MEF2D: variants seen among roughly 807,000 people sequenced by gnomAD.
MEF2D encodes myocyte enhancer factor 2D.
A neutral mutation model predicts 59.3 loss-of-function variants in MEF2D; 10 were observed. The observed-to-expected ratio is 0.17, with a 90% CI of 0.10 to 0.29. MEF2D has a LOEUF of 0.29. Ranked by LOEUF, MEF2D falls within the 10% of genes least tolerant of loss-of-function variation. MEF2D has a pLI of 1.00. For synonymous variants in MEF2D, 305 were observed against 295.0 expected (o/e 1.03, Z -0.35); for missense variants, 508 against 699.4 (o/e 0.73, Z 3.09).
Position 156,468,097 on chromosome 1 carries a change from C to A in MEF2D, c.1450G>T (p.Asp484Tyr). The A allele has an allele frequency of 6.2e-7, 1 of 1,614,076 alleles. No homozygotes were observed. The highest frequency in any genetic ancestry group is 1.3e-5 in the African/African-American group (1 of 75,046). ...AGGSYETGDR[D>Y]DGRGDFGPTL... ...GGCCCGAAGTCCCCCCGTCCGTCAT[C>A]CCGGTCTCCCGTCTCATAGGATCCC... Residue 484 changes from aspartate (D) to tyrosine (Y), a missense_variant, in exon 11 of 12, where the codon GAT becomes TAT. Transcript: ENST00000348159. This position sits in a 1 kb window ranked among gnomAD's most constrained non-coding sequence, Gnocchi z 4.3.
chr1:156,480,697 T>G, intron 4 of MEF2D, 137 bp downstream of exon 4: 1 of 1,599,024 alleles, frequency 6.3e-7, no homozygotes. Context: ...TCTTTTTATA[T>G]TTCTCTTCCG....
intron 3 of MEF2D, among the ~76,000 whole-genome samples, chr1:156,481,620 C>T (rs1672024097): frequency 6.6e-6 from 1 of 152,224 alleles, no homozygotes; most frequent in Non-Finnish European, 1.5e-5. Flanking sequence ...TTTACAGATA[C>T]TTGCTTTGTC....
intron 9 of MEF2D, among the ~76,000 whole-genome samples, chr1:156,471,931 C>G (rs954891322): frequency 6.6e-6 from 1 of 152,340 alleles, no homozygotes; most frequent in Admixed American, 6.5e-5. Context: ...CACTTCCCAG[C>G]AGGGCTCCAA....
At chr1:156,492,610 C>T (rs932060337) in intron 1 of MEF2D, among the ~76,000 whole-genome samples, 3 of 152,236 alleles carry the variant, frequency 2.0e-5, no homozygotes, top group Admixed American at 6.5e-5. Context: ...TCCCTCCCAC[C>T]GCAGCCAATC....
In MEF2D at chr1:156,468,150, G is replaced by A. The variant is rs749653338; in HGVS notation, c.1397C>T (p.Pro466Leu). 52 of 1,613,796 alleles carry A rather than the reference G, an allele frequency of 3.2e-5. No homozygotes were observed. The highest frequency in any genetic ancestry group is 4.0e-5 in the Non-Finnish European group (47 of 1,179,862). Residue 466 changes from proline to leucine, a missense_variant, in exon 11 of 12, where the codon CCT (proline) becomes CTT (leucine). By Grantham distance (98) the Pro-to-Leu change is moderately conservative (BLOSUM62 -3). Coordinates refer to ENST00000348159, the MANE Select transcript of MEF2D (RefSeq NM_005920.4). The surrounding 1 kb of genome is among the most constrained non-coding windows in gnomAD (Gnocchi z 4.3). ...GGCTGGGCTGCTGAGACCATCGCCAGGCTCAGGGCGGGCAGCTGGGAACAC... is the reference window on the plus strand; with the variant it reads ...GGCTGGGCTGCTGAGACCATCGCCAAGCTCAGGGCGGGCAGCTGGGAACAC... ...PAVFPAARPE[P>L]GDGLSSPAGG...
At chr1:156,481,059 C>T in intron 3 of MEF2D, 88 bp from the exon 4 acceptor site, 2 of 1,568,954 alleles carry the variant, frequency 1.3e-6, no homozygotes. Context: ...TAAGGGCCCC[C>T]TACTCTTCCC....
intron 9 of MEF2D, among the ~76,000 whole-genome samples, chr1:156,469,588 T>C (rs1671092258): frequency 2.3e-5 from 1 of 43,888 alleles, no homozygotes; most frequent in African/African-American, 6.2e-5. Flanking sequence ...AGTGTTGAAC[T>C]TAAAAAAAAA....
intron 9 of MEF2D, among the ~76,000 whole-genome samples, chr1:156,471,112 G>A (rs1671210951): frequency 1.3e-5 from 2 of 152,054 alleles, no homozygotes; most frequent in African/African-American, 4.8e-5. Flanking sequence ...CTGGAGTGCA[G>A]TGGTGCGATC....
At chr1:156,473,606 A>C (rs907157938) in intron 9 of MEF2D, among the ~76,000 whole-genome samples, 1 of 152,212 alleles carries the variant, frequency 6.6e-6, no homozygotes, top group African/African-American at 2.4e-5. Flanking sequence ...ACAGTGGCTT[A>C]GCATACAGGC....
At chr1:156,497,265 C>T (rs890015662) in intron 1 of MEF2D, among the ~76,000 whole-genome samples, 6 of 152,266 alleles carry the variant, frequency 3.9e-5, no homozygotes, top group African/African-American at 9.6e-5. Flanking sequence ...GGCCGGACTC[C>T]GGCCCCATGA....
chr1:156,482,970 G>T (rs904370874), intron 2 of MEF2D, among the ~76,000 whole-genome samples: 1 of 152,210 alleles, frequency 6.6e-6, no homozygotes, highest in African/African-American at 2.4e-5. Flanking sequence ...GAGTGCCTGG[G>T]GGTATGACCT....
chr1:156,472,285 C>T (rs979784080), intron 9 of MEF2D, among the ~76,000 whole-genome samples: 2 of 152,242 alleles, frequency 1.3e-5, no homozygotes, highest in African/African-American at 4.8e-5. Context: ...TGTCTACCCA[C>T]TCCTCTTACA....
In MEF2D at chr1:156,477,160, GGGA is replaced by G. The variant is rs1416681314; in HGVS notation, c.704_706del (p.Leu235del). 1.2e-6 allele frequency: 2 copies of G among 1,613,474 alleles called. No individual in the cohort carries two copies. On this transcript the variant is annotated inframe_deletion, in exon 7 of 12. Coordinates refer to ENST00000348159, the MANE Select transcript of MEF2D (RefSeq NM_005920.4). ...GTTTAGGCTGTTGCCATTGGCCACA[GGGA>G]GGAGGCCAGGGGAAGCCCGAGCACT...
In MEF2D at chr1:156,467,228, T is replaced by C. The variant is rs1309834626; in HGVS notation, c.*417A>G. On this transcript the variant is annotated 3_prime_UTR_variant, in exon 12 of 12. Coordinates refer to ENST00000348159, the MANE Select transcript of MEF2D (RefSeq NM_005920.4). Reference sequence around the variant, plus strand: ...GGGTTTCTGTTGTTTGGTAGTTTTTTGGTTATTTCCCTCTATCTGGGGGTG... The same window carrying C: ...GGGTTTCTGTTGTTTGGTAGTTTTTCGGTTATTTCCCTCTATCTGGGGGTG... 4 of 143,046 alleles carry C rather than the reference T, an allele frequency of 2.8e-5. No homozygotes were observed. The highest frequency in any genetic ancestry group is 1.0e-4 in the African/African-American group (4 of 38,472). 8.9% of individuals were successfully genotyped at this position (143,046 alleles called of 1,614,324 possible).
At chr1:156,470,059 G>A (rs1026251633) in intron 9 of MEF2D, among the ~76,000 whole-genome samples, 4 of 152,338 alleles carry the variant, frequency 2.6e-5, no homozygotes, top group Admixed American at 6.5e-5. Flanking sequence ...CCCATGAGGG[G>A]GTGTTCATTA....
intron 3 of MEF2D, 123 bp downstream of exon 3, chr1:156,482,314 G>T (rs1672076442): frequency 6.0e-6 from 6 of 996,022 alleles, no homozygotes; most frequent in South Asian, 5.7e-5. Context: ...CAGGTGAGGG[G>T]CTACAAGGGG....
intron 1 of MEF2D, among the ~76,000 whole-genome samples, chr1:156,500,133 C>T (rs1481264267): frequency 6.6e-6 from 1 of 152,148 alleles, no homozygotes; most frequent in Non-Finnish European, 1.5e-5. Flanking sequence ...GAGACCCCCT[C>T]GGAGGATGGC....
At chr1:156,480,650 C>A in intron 4 of MEF2D, 184 bp downstream of exon 4, 1 of 1,551,938 alleles carries the variant, frequency 6.4e-7, no homozygotes, top group South Asian at 1.2e-5. Flanking sequence ...CACGGCCAGT[C>A]TATAACTCTG....
intron 6 of MEF2D, 100 bp downstream of exon 6, chr1:156,479,178 GCCCTGGGATCTT>G: frequency 1.2e-6 from 1 of 848,172 alleles, no homozygotes; most frequent in Non-Finnish European, 1.8e-6. Context: ...TCCAGTCCTG[GCCCTGGGATCTT>G]CCTCTCCTCT....
Sources: gnomAD v4.1 joint callset for allele counts (sites outside exome capture counted in the v4.1 genomes callset) on GRCh38, gnomAD v4.1.1 for gene constraint, Gnocchi (gnomAD v3.1) non-coding constraint, MANE v1.5 for transcripts, NCBI Gene and HGNC (gene_info 2026-07-23, HGNC 2026-07-21) for gene names.